The following NRXN1 variants were observed in gnomAD, a reference collection of about 807,000 sequenced individuals.
NRXN1 encodes the protein neurexin-1.
NRXN1 carries 39 observed loss-of-function variants against 150.9 expected under a neutral mutation model. The observed-to-expected ratio is 0.26, with a 90% CI of 0.20 to 0.34. NRXN1 has a LOEUF of 0.34. Among genes scored for constraint, NRXN1 ranks in the 10% least tolerant of loss-of-function variants. The pLI is 1.00. For missense variants in NRXN1, 1,815 were observed against 1,949.9 expected (o/e 0.93, Z 1.30); for synonymous variants, 924 against 757.0 (o/e 1.22, Z -3.62).
intron 2 of NRXN1, among the ~76,000 whole-genome samples, chr2:50,997,266 T>C (rs1232644217): frequency 6.6e-6 from 1 of 151,972 alleles, no homozygotes; most frequent in East Asian, 1.9e-4. Context: ...AAACCCCATC[T>C]CTACAAAAAA....
intron 5 of NRXN1, among the ~76,000 whole-genome samples, chr2:50,815,014 G>A (rs1406587286): frequency 6.6e-6 from 1 of 151,988 alleles, no homozygotes; most frequent in East Asian, 1.9e-4. Flanking sequence ...ATCAGAAAAT[G>A]TATAAGGCAG....
chr2:51,030,657 C>G (rs1184664089), intron 1 of NRXN1, among the ~76,000 whole-genome samples: 1 of 152,078 alleles, frequency 6.6e-6, no homozygotes, highest in East Asian at 1.9e-4. Context: ...TGATACATTC[C>G]ACACCATCAG....
At chr2:50,529,136 T>A (rs1198625943) in intron 11 of NRXN1, among the ~76,000 whole-genome samples, 1 of 152,218 alleles carries the variant, frequency 6.6e-6, no homozygotes, top group Non-Finnish European at 1.5e-5. Context: ...GTTAAAATTA[T>A]TCTTATCTTA....
intron 17 of NRXN1, among the ~76,000 whole-genome samples, chr2:50,459,604 C>A (rs535209255): frequency 1.3e-5 from 2 of 152,102 alleles, no homozygotes; most frequent in Non-Finnish European, 2.9e-5. Context: ...AGGAAAATAG[C>A]CTCCAGCTCC....
intron 15 of NRXN1, among the ~76,000 whole-genome samples, chr2:50,485,558 G>A (rs1284268900): frequency 6.6e-6 from 1 of 152,210 alleles, no homozygotes; most frequent in African/African-American, 2.4e-5. Flanking sequence ...GAATGGAACG[G>A]AAATGAGAGC....
chr2:51,001,493 A>C (rs1456569491), intron 2 of NRXN1, among the ~76,000 whole-genome samples: 8 of 152,000 alleles, frequency 5.3e-5, no homozygotes, highest in African/African-American at 1.9e-4. Context: ...AAATTGTAAT[A>C]AATGAATCAC....
intron 12 of NRXN1, among the ~76,000 whole-genome samples, chr2:50,523,505 T>G (rs2092854835): frequency 1.3e-5 from 2 of 152,200 alleles, no homozygotes; most frequent in Non-Finnish European, 2.9e-5. Flanking sequence ...CATATCTTTT[T>G]AAGTAGCTTC....
chr2:51,011,157 G>A (rs1451150847), intron 2 of NRXN1, among the ~76,000 whole-genome samples: 1 of 151,922 alleles, frequency 6.6e-6, no homozygotes, highest in Admixed American at 6.6e-5. Flanking sequence ...TATTATTGAG[G>A]TCAAGCTTCT....
intron 17 of NRXN1, among the ~76,000 whole-genome samples, chr2:50,351,138 T>G (rs2153000947): frequency 6.6e-6 from 1 of 152,334 alleles, no homozygotes; most frequent in South Asian, 2.1e-4. Context: ...CTTGCAATTT[T>G]GTTATCTAAG....
intron 5 of NRXN1, among the ~76,000 whole-genome samples, chr2:50,809,687 A>G (rs1667959269): frequency 6.6e-6 from 1 of 152,180 alleles, no homozygotes; most frequent in African/African-American, 2.4e-5. Flanking sequence ...CAGTTTAAAC[A>G]TCCATGGGTC....
chr2:50,158,064 A>AGTGTGT (rs71401060), intron 18 of NRXN1, among the ~76,000 whole-genome samples: 1,793 of 134,010 alleles, frequency 0.013, 32 homozygotes, highest in African/African-American at 0.033. Flanking sequence ...TAAGAAGTTG[A>AGTGTGT]GTGTGTGTGT....
chr2:50,461,726 T>C (rs1035259649), intron 17 of NRXN1, among the ~76,000 whole-genome samples: 2 of 151,986 alleles, frequency 1.3e-5, no homozygotes, highest in African/African-American at 4.8e-5. Context: ...TCCAGCACAC[T>C]GTTTCCTACA....
At chr2:50,937,745 T>C (rs1165403318) in intron 2 of NRXN1, among the ~76,000 whole-genome samples, 2 of 152,108 alleles carry the variant, frequency 1.3e-5, no homozygotes, top group Non-Finnish European at 2.9e-5. Context: ...ATTCAATTAT[T>C]ATAAAGACAT....
At chr2:50,112,214 C>A (rs1485724069) in intron 18 of NRXN1, among the ~76,000 whole-genome samples, 1 of 152,190 alleles carries the variant, frequency 6.6e-6, no homozygotes, top group Non-Finnish European at 1.5e-5. Context: ...TTTGCTTAAA[C>A]CTTTTTCTTC....
At chr2:50,091,208 A>T in intron 19 of NRXN1, 115 bp downstream of exon 19, 2 of 1,198,346 alleles carry the variant, frequency 1.7e-6, no homozygotes, top group Non-Finnish European at 2.5e-6. Context: ...AAGTCCAATA[A>T]ATAGTTGATG....
chr2:50,222,000 C>T (rs601010), intron 18 of NRXN1, among the ~76,000 whole-genome samples: 83,215 of 151,726 alleles, frequency 0.55, 23,110 homozygotes, highest in African/African-American at 0.6. Context: ...ATGGTGTTCA[C>T]GAGTCCTGGG....
At chr2:50,013,612 TACA>T (rs1287239249) in intron 21 of NRXN1, among the ~76,000 whole-genome samples, 2 of 152,178 alleles carry the variant, frequency 1.3e-5, no homozygotes, top group African/African-American at 4.8e-5. Flanking sequence ...TGAAATAATT[TACA>T]ACATCTATTA....
rs201998509 is a variant in NRXN1 at position 50,495,958 on chromosome 2, T to C, written c.3017A>G (p.Asp1006Gly). 2 of 1,610,670 alleles carry C rather than the reference T, an allele frequency of 1.2e-6. No homozygotes were observed. Among genetic ancestry groups the C allele is most frequent in the Non-Finnish European group, 1.7e-6 (2 of 1,178,640 alleles). ...GGTGATTTGCGTTGTGATTTTTGTG[T>C]CAATCTTTACAGTGTGGAGGTTGCT... ...DTSNLHTVKI[D>G]TKITTQITAG... Residue 1006 changes from aspartate to glycine, a missense_variant, in exon 15 of 23, where the codon GAC (aspartate) becomes GGC (glycine). Around this residue, in one of 6 missense-constraint regions of NRXN1, gnomAD observed 339 missense variants for 440.3 expected, o/e 0.77. Coordinates refer to ENST00000401669, the MANE Select transcript of NRXN1 (RefSeq NM_001330078.2).
chr2:50,660,211 C>T (rs1325965162), intron 5 of NRXN1, among the ~76,000 whole-genome samples: 1 of 152,028 alleles, frequency 6.6e-6, no homozygotes, highest in Non-Finnish European at 1.5e-5. Flanking sequence ...TTTCAACATC[C>T]CCATTTCACA....
Sources: allele counts gnomAD v4.1 joint callset (sites outside exome capture counted in the v4.1 genomes callset), GRCh38; gene constraint gnomAD v4.1.1; regional missense constraint gnomAD v4.1.1; transcripts MANE v1.5; gene names NCBI Gene and HGNC (gene_info 2026-07-23, HGNC 2026-07-21).